Variants in C2CD2 observed in about 807,000 individuals in gnomAD.
C2CD2 encodes the protein C2 domain-containing protein 2.
In C2CD2, 43 loss-of-function variants were observed where a neutral mutation model predicts 74.3. The ratio of observed to expected loss-of-function variants is 0.58; its 90% CI spans 0.45 to 0.75. C2CD2 has a LOEUF of 0.75. Ranked by LOEUF, C2CD2 falls within the 30% of genes least tolerant of loss-of-function variation. The probability of loss-of-function intolerance (pLI) is 0.00; values close to 1 mark genes in which losing one functional copy is unlikely to be tolerated. For synonymous variants in C2CD2, 422 were observed against 390.7 expected (o/e 1.08, Z -0.94); for missense variants, 801 against 916.3 (o/e 0.87, Z 1.63).
chr21:41,893,698 C>CTTT (rs60305027), intron 13 of C2CD2, among the ~76,000 whole-genome samples: 1,332 of 121,960 alleles, frequency 0.011, 42 homozygotes, highest in African/African-American at 0.031. Context: ...TGTTAAATTT[C>CTTT]TTTTTTTTTT....
chr21:41,899,191 C>T lies in C2CD2; in HGVS notation c.1732G>A (p.Glu578Lys), dbSNP rs1219973768. ...TTCTCCAAGTCCCAGGAGTCTAGCT[C>T]GTCCTCCTGGGGCTTGGGGGCAAGG... is the stretch of plus-strand genomic sequence containing the variant. Reference protein sequence around the residue: ...ASLAPKPQEDELDSWDLEKEP... With the variant: ...ASLAPKPQEDKLDSWDLEKEP... Residue 578 changes from glutamate (E) to lysine (K), a missense_variant, in exon 13 of 14, where the codon GAG (glutamate) becomes AAG (lysine). Transcript: ENST00000380486. This position sits in a 1 kb window ranked among gnomAD's most constrained non-coding sequence, Gnocchi z 4.4. The T allele has an allele frequency of 2.5e-6, 4 of 1,612,566 alleles. No homozygotes were observed. The highest frequency in any genetic ancestry group is 2.7e-5 in the African/African-American group (2 of 74,898).
At chr21:41,909,410 C>T (rs1406721658) in intron 8 of C2CD2, 49 bp downstream of exon 8, 34 of 1,287,502 alleles carry the variant, frequency 2.6e-5, no homozygotes, top group Admixed American at 1.2e-4. Context: ...GGTCATGCAG[C>T]GGAGGACCTT....
intron 1 of C2CD2, among the ~76,000 whole-genome samples, chr21:41,944,661 C>A (rs929996388): frequency 6.6e-6 from 1 of 152,058 alleles, no homozygotes; most frequent in African/African-American, 2.4e-5. Flanking sequence ...GTTTCAGGAG[C>A]AGGGTGTGCC....
intron 12 of C2CD2, among the ~76,000 whole-genome samples, chr21:41,900,318 C>A (rs1207526030): frequency 6.6e-6 from 1 of 152,132 alleles, no homozygotes; most frequent in Admixed American, 6.5e-5. Context: ...AATCTGAGCA[C>A]CAATAAAAAT....
At chr21:41,902,536 G>A (rs1017307338) in intron 11 of C2CD2, among the ~76,000 whole-genome samples, 1 of 152,214 alleles carries the variant, frequency 6.6e-6, no homozygotes. Context: ...TGACCAGCAG[G>A]TCTCTCTGAC....
chr21:41,933,049 C>T (rs2065276500), intron 2 of C2CD2, among the ~76,000 whole-genome samples: 1 of 150,336 alleles, frequency 6.7e-6, no homozygotes, highest in Non-Finnish European at 1.5e-5. Flanking sequence ...GATGGCATTA[C>T]ATAACAGACA....
chr21:41,921,338 C>T (rs1250622281), intron 3 of C2CD2, among the ~76,000 whole-genome samples: 2 of 152,148 alleles, frequency 1.3e-5, no homozygotes, highest in South Asian at 2.1e-4. Flanking sequence ...GAATATCTGG[C>T]CGGATGTGAG....
chr21:41,889,427 G>A, intron 13 of C2CD2, 83 bp from the exon 14 acceptor site: 1 of 951,024 alleles, frequency 1.1e-6, no homozygotes, highest in South Asian at 1.4e-5. Flanking sequence ...AAAGGGAAAA[G>A]GAGGCTCGAA....
Position 41,907,678 on chromosome 21 carries a change from C to G in C2CD2, c.1125G>C (p.Leu375=). The change falls in exon 9 of 14, where the codon CTG becomes CTC. Residue 375 remains leucine, a synonymous_variant. Transcript: ENST00000380486. ...TSGSACGSSV[L]GSVTAEFSYM... ...GCCCTACCTCTGCCGTGACCGAGCC[C>G]AGCACCGAGCTGCCGCAGGCAGACC... The G allele has an allele frequency of 1.2e-6, 2 of 1,611,988 alleles. No individual in the cohort carries two copies. Among genetic ancestry groups the G allele is most frequent in the Non-Finnish European group, 1.7e-6 (2 of 1,179,728 alleles).
Position 41,907,008 on chromosome 21 carries a change from C to CCCTCCCCGCGGGGAT in C2CD2, c.1301_1302insATCCCCGCGGGGAGG (p.Pro436_Leu437insArgGlyGlySerPro), listed in dbSNP as rs754767544. The CCCTCCCCGCGGGGAT allele has an allele frequency of 5.6e-6, 9 of 1,613,138 alleles. No homozygotes were observed. The African/African-American group carries it at 1.1e-4, about 19-fold the overall frequency. ...TTGTCTCACCAGAGCTCAGCGGGGACGCCCTCCCCACGTCGACGCGAGGCT... is the reference window on the plus strand; with the variant it reads ...TTGTCTCACCAGAGCTCAGCGGGGACCCTCCCCGCGGGGATGCCCTCCCCACGTCGACGCGAGGCT... On this transcript the variant is annotated inframe_insertion, in exon 10 of 14. Coordinates refer to ENST00000380486, the MANE Select transcript of C2CD2 (RefSeq NM_015500.2).
chr21:41,926,443 C>T lies in C2CD2; in HGVS notation c.379-4358G>A, dbSNP rs2065213862. On this transcript the variant is annotated intron_variant, in intron 2 of 13. Coordinates refer to ENST00000380486, the MANE Select transcript of C2CD2 (RefSeq NM_015500.2). The surrounding 1 kb of genome is among the most constrained non-coding windows in gnomAD (Gnocchi z 8.0). ...GTTTGGGTCGGGGAGCCCTGGGCAG[C>T]AGATGGAAGCACCACGGGGAGGGGA... The T allele has an allele frequency of 9.3e-6, 9 of 972,938 alleles. No individual in the cohort carries two copies. The South Asian group carries it at 2.4e-4, about 26-fold the overall frequency. The allele number at this position is 972,938 out of a possible 1,614,324, so 60.3% of individuals were successfully genotyped here.
In C2CD2 at chr21:41,891,120, AG is replaced by A. The variant is rs2064747874; in HGVS notation, c.1871-1777del. 9.6e-5 allele frequency among the ~76,000 whole-genome samples: 11 copies of A among 114,466 alleles called. 1 individual carries two copies. In the South Asian group the frequency reaches 2.8e-3, roughly 29 times the overall value. 75.1% of individuals were successfully genotyped at this position (114,466 alleles called of 152,430 possible). On this transcript the variant is annotated intron_variant, in intron 13 of 13. Coordinates refer to ENST00000380486, the MANE Select transcript of C2CD2 (RefSeq NM_015500.2). ...CAGGGGCTTCGGGGACTGCTGGAAA[AG>A]GAATGAAAAAGGTGGGTAAGTAGTG...
intron 11 of C2CD2, among the ~76,000 whole-genome samples, chr21:41,902,744 A>G (rs2064914212): frequency 6.6e-6 from 1 of 152,186 alleles, no homozygotes; most frequent in Non-Finnish European, 1.5e-5. Context: ...GACACTGGGG[A>G]ATAATAAATA....
intron 2 of C2CD2, among the ~76,000 whole-genome samples, chr21:41,933,124 G>C (rs1231502080): frequency 6.8e-6 from 1 of 146,324 alleles, no homozygotes; most frequent in Admixed American, 6.9e-5. Flanking sequence ...CCTTGTCAAG[G>C]CTGAGTTAGA....
chr21:41,902,446 C>A (rs988695216), intron 11 of C2CD2, among the ~76,000 whole-genome samples: 4 of 152,246 alleles, frequency 2.6e-5, no homozygotes, highest in Non-Finnish European at 4.4e-5. Flanking sequence ...CTATTCCACA[C>A]CCCATGAGCA....
In C2CD2 at chr21:41,945,134, T is replaced by A. The variant is rs1039365037; in HGVS notation, c.280-2889A>T. Among the ~76,000 whole-genome samples, 1 of 152,186 alleles carries A rather than the reference T, an allele frequency of 6.6e-6. No individual in the cohort carries two copies. The highest frequency in any genetic ancestry group is 2.4e-5 in the African/African-American group (1 of 41,450). On this transcript the variant is annotated intron_variant, in intron 1 of 13. Transcript: ENST00000380486. This position sits in a 1 kb window ranked among gnomAD's most constrained non-coding sequence, Gnocchi z 4.2. ...TAGTAAGTAAATAAGACAGCAGGTGTGCAATGTCTTACTCTTGGAGAAGGG... is the reference window on the plus strand; with the variant it reads ...TAGTAAGTAAATAAGACAGCAGGTGAGCAATGTCTTACTCTTGGAGAAGGG...
At position 41,895,916 on chromosome 21, in the gene C2CD2, A is replaced by G. The variant is rs893796660; in HGVS notation, c.1870+3137T>C. Among the ~76,000 whole-genome samples, 2 of 152,188 alleles carry G rather than the reference A, an allele frequency of 1.3e-5. No individual in the cohort carries two copies. The highest frequency in any genetic ancestry group is 2.9e-5 in the Non-Finnish European group (2 of 68,018). Reference sequence around the variant, plus strand: ...CACAGATGGTCCGTTGATAGAAGCGACTACTTTTTAGCTCTGGAGGACGAC... The same window carrying G: ...CACAGATGGTCCGTTGATAGAAGCGGCTACTTTTTAGCTCTGGAGGACGAC... On this transcript the variant is annotated intron_variant, in intron 13 of 13. Transcript: ENST00000380486. This position sits in a 1 kb window ranked among gnomAD's most constrained non-coding sequence, Gnocchi z 5.0.
At chr21:41,925,019 G>C (rs890623311) in intron 2 of C2CD2, among the ~76,000 whole-genome samples, 1 of 152,114 alleles carries the variant, frequency 6.6e-6, no homozygotes, top group Admixed American at 6.5e-5. Context: ...CATCACTAAG[G>C]TAATGTAATC....
chr21:41,917,003 T>G (rs1301174180), intron 5 of C2CD2, among the ~76,000 whole-genome samples: 1 of 152,194 alleles, frequency 6.6e-6, no homozygotes, highest in Non-Finnish European at 1.5e-5. Context: ...CCAAGAGGCA[T>G]GGCCTGGTCC....
Sources: gnomAD v4.1 joint callset for allele counts (sites outside exome capture counted in the v4.1 genomes callset) on GRCh38, gnomAD v4.1.1 for gene constraint, Gnocchi (gnomAD v3.1) non-coding constraint, MANE v1.5 for transcripts, NCBI Gene and HGNC (gene_info 2026-07-23, HGNC 2026-07-21) for gene names.